Variants in SPSB4 observed in about 807,000 individuals in gnomAD.
SPSB4 encodes splA/ryanodine receptor domain and SOCS box containing 4, also known as SPRY domain-containing SOCS box protein 4.
SPSB4 carries 21 observed loss-of-function variants against 20.9 expected under a neutral mutation model. The observed-to-expected ratio is 1.01, with a 90% CI of 0.71 to 1.45. The LOEUF (loss-of-function observed/expected upper bound fraction) is 1.45. SPSB4 is among the 40% of genes most tolerant of loss of function. The pLI is 0.00. For synonymous variants in SPSB4, 207 were observed against 183.8 expected (o/e 1.13, Z -1.02); for missense variants, 399 against 399.2 (o/e 1.00, Z 0.00).
At chr3:141,071,333 T>C (rs1372105674) in intron 2 of SPSB4, among the ~76,000 whole-genome samples, 1 of 151,332 alleles carries the variant, frequency 6.6e-6, no homozygotes, top group Non-Finnish European at 1.5e-5. Context: ...GGGTGGTGAG[T>C]GGTATGTGAG....
intron 1 of SPSB4, among the ~76,000 whole-genome samples, chr3:141,064,962 G>T (rs1461839604): frequency 2.0e-5 from 3 of 152,224 alleles, no homozygotes; most frequent in Non-Finnish European, 4.4e-5. Context: ...CATCCAAAGG[G>T]AGGGGATCCA....
intron 2 of SPSB4, among the ~76,000 whole-genome samples, chr3:141,095,029 A>G (rs573626826): frequency 6.6e-6 from 1 of 152,134 alleles, no homozygotes; most frequent in South Asian, 2.1e-4. Flanking sequence ...GTATCATATG[A>G]GAGAAAAGGC....
chr3:141,099,279 G>C (rs1273949067), intron 2 of SPSB4, among the ~76,000 whole-genome samples: 2 of 151,820 alleles, frequency 1.3e-5, no homozygotes, highest in Non-Finnish European at 2.9e-5. Flanking sequence ...CTGCCTCCTG[G>C]GTTCACGCCA....
chr3:141,084,686 C>T (rs1322197198), intron 2 of SPSB4, among the ~76,000 whole-genome samples: 1 of 152,184 alleles, frequency 6.6e-6, no homozygotes, highest in African/African-American at 2.4e-5. Flanking sequence ...AGGCATTAAC[C>T]TGGACCAATA....
intron 2 of SPSB4, among the ~76,000 whole-genome samples, chr3:141,092,342 A>C (rs1436595937): frequency 6.6e-6 from 1 of 152,270 alleles, no homozygotes; most frequent in Non-Finnish European, 1.5e-5. Flanking sequence ...GCATATTAGC[A>C]AAAGACTTCC....
At chr3:141,106,935 C>T (rs1209548627) in intron 2 of SPSB4, among the ~76,000 whole-genome samples, 1 of 152,184 alleles carries the variant, frequency 6.6e-6, no homozygotes, top group East Asian at 1.9e-4. Flanking sequence ...TCATCTTTCT[C>T]AGGTCCCCAA....
At chr3:141,097,607 T>C (rs1331321310) in intron 2 of SPSB4, among the ~76,000 whole-genome samples, 2 of 152,000 alleles carry the variant, frequency 1.3e-5, no homozygotes, top group East Asian at 3.9e-4. Context: ...TCCTAATACC[T>C]CTTCACTTTG....
At chr3:141,142,539 G>A (rs1177292601) in intron 2 of SPSB4, among the ~76,000 whole-genome samples, 2 of 152,098 alleles carry the variant, frequency 1.3e-5, no homozygotes, top group Non-Finnish European at 2.9e-5. Context: ...AGAATGTTCT[G>A]TAAATATTTG....
intron 2 of SPSB4, among the ~76,000 whole-genome samples, chr3:141,117,781 G>T (rs1938901255): frequency 1.3e-5 from 2 of 152,210 alleles, no homozygotes; most frequent in Admixed American, 1.3e-4. Context: ...GTGATAGTTT[G>T]CTGAGAATGA....
rs1166362823 is a variant in SPSB4, at chr3:141,051,772, G to GA, written c.-372dup. 1 of 152,358 alleles carries GA rather than the reference G, an allele frequency of 6.6e-6. No homozygotes were observed. Among genetic ancestry groups the GA allele is most frequent in the African/African-American group, 2.4e-5 (1 of 41,452 alleles). The allele number at this position is 152,358 out of a possible 1,614,324, so 9.4% of individuals were successfully genotyped here. A position where few individuals can be genotyped will look rare whatever the true frequency, so the allele number is the denominator to read the frequency against. ...GGCGCCTGAGCGCCAACTTCGCCAAGAACGCTCCTAACTCCAGGCCATCCT... is the reference window on the plus strand; with the variant it reads ...GGCGCCTGAGCGCCAACTTCGCCAAGAAACGCTCCTAACTCCAGGCCATCCT... On this transcript the variant is annotated 5_prime_UTR_variant, in exon 1 of 3. Coordinates refer to ENST00000310546, the MANE Select transcript of SPSB4 (RefSeq NM_080862.3).
At chr3:141,129,328 A>T (rs1001274987) in intron 2 of SPSB4, among the ~76,000 whole-genome samples, 9 of 152,362 alleles carry the variant, frequency 5.9e-5, no homozygotes, top group Admixed American at 2.6e-4. Context: ...GCTGGGGCAG[A>T]CAGGAACACA....
At chr3:141,075,821 C>A (rs148284371) in intron 2 of SPSB4, among the ~76,000 whole-genome samples, 1 of 145,356 alleles carries the variant, frequency 6.9e-6, no homozygotes, top group Non-Finnish European at 1.5e-5. Context: ...CCGAGGCAGG[C>A]GGATCACTTG....
intron 2 of SPSB4, among the ~76,000 whole-genome samples, chr3:141,127,428 T>TTGGGCC (rs1939065935): frequency 6.6e-6 from 1 of 152,206 alleles, no homozygotes; most frequent in African/African-American, 2.4e-5. Context: ...AGCCCTGCCC[T>TTGGGCC]TGGGCCTGGT....
chr3:141,135,623 G>A (rs1939214644), intron 2 of SPSB4, among the ~76,000 whole-genome samples: 1 of 151,832 alleles, frequency 6.6e-6, no homozygotes, highest in East Asian at 1.9e-4. Context: ...ATAGTTTGCT[G>A]AGAATGATGG....
intron 2 of SPSB4, 73 bp downstream of exon 2, chr3:141,066,871 C>T: frequency 7.1e-7 from 1 of 1,402,438 alleles, no homozygotes. Context: ...CAGGCCACAC[C>T]TCCATCGCCA....
At chr3:141,143,161 T>A (rs1939364954) in intron 2 of SPSB4, among the ~76,000 whole-genome samples, 1 of 152,174 alleles carries the variant, frequency 6.6e-6, no homozygotes, top group South Asian at 2.1e-4. Flanking sequence ...ACCTGTTTTG[T>A]CTGTTATAAG....
intron 2 of SPSB4, among the ~76,000 whole-genome samples, chr3:141,119,452 T>A (rs1938929759): frequency 6.6e-6 from 1 of 152,210 alleles, no homozygotes; most frequent in African/African-American, 2.4e-5. Context: ...ACAATTTGAT[T>A]TCCTCTTTTC....
At chr3:141,054,057 G>A (rs1037163429) in intron 1 of SPSB4, among the ~76,000 whole-genome samples, 8 of 152,122 alleles carry the variant, frequency 5.3e-5, no homozygotes, top group Admixed American at 1.3e-4. Flanking sequence ...CATCATTTAC[G>A]TAGAACTGTC....
intron 2 of SPSB4, among the ~76,000 whole-genome samples, chr3:141,121,663 G>C (rs1396506544): frequency 1.3e-5 from 2 of 152,012 alleles, no homozygotes; most frequent in African/African-American, 4.8e-5. Flanking sequence ...TCATTCATTT[G>C]ATCTTCAATC....
Sources: gnomAD v4.1 joint callset for allele counts (sites outside exome capture counted in the v4.1 genomes callset) on GRCh38, gnomAD v4.1.1 for gene constraint, MANE v1.5 for transcripts, NCBI Gene and HGNC (gene_info 2026-07-23, HGNC 2026-07-21) for gene names.